TMPRSS9: variants seen among roughly 807,000 people sequenced by gnomAD.
TMPRSS9 encodes transmembrane protease serine 9.
TMPRSS9 carries 113 observed loss-of-function variants against 111.4 expected under a neutral mutation model. The observed-to-expected ratio is 1.01, with a 90% CI of 0.87 to 1.19. TMPRSS9 has a LOEUF of 1.19. Ranked by LOEUF, TMPRSS9 falls within the 50% of genes most tolerant of loss-of-function variation. The pLI is 0.00. For missense variants in TMPRSS9, 1,803 were observed against 1,513.1 expected (o/e 1.19, Z -3.18); for synonymous variants, 805 against 659.1 (o/e 1.22, Z -3.39).
upstream of TMPRSS9, among the ~76,000 whole-genome samples, chr19:2,386,504 C>CAA (rs954685263): frequency 1.7e-5 from 2 of 114,488 alleles, no homozygotes; most frequent in East Asian, 2.7e-4. Context: ...GACTCCGTCT[C>CAA]AAAAAAAAAA....
chr19:2,388,371 G>A (rs1970517169), upstream of TMPRSS9, among the ~76,000 whole-genome samples: 1 of 152,108 alleles, frequency 6.6e-6, no homozygotes, highest in South Asian at 2.1e-4. Flanking sequence ...GGGCAACAGA[G>A]AAAGACCCTG....
exon 8 of TMPRSS9, chr19:2,408,445 A>G (rs754992041): frequency 6.2e-7 from 1 of 1,613,946 alleles, no homozygotes; most frequent in Non-Finnish European, 8.5e-7. Flanking sequence ...CAGGTGGTCC[A>G]GATCGTCAAG....
intron 5 of TMPRSS9, 114 bp downstream of exon 6, chr19:2,402,130 C>T (rs1373136926): frequency 5.3e-6 from 5 of 948,934 alleles, no homozygotes; most frequent in African/African-American, 5.2e-5. Flanking sequence ...CGGTGGCTCA[C>T]ATCTGTCGTC....
At chr19:2,390,335 C>T (rs138439084) in intron 1 of TMPRSS9, among the ~76,000 whole-genome samples, 4,171 of 142,790 alleles carry the variant, frequency 0.029, 82 homozygotes, top group Non-Finnish European at 0.044. Flanking sequence ...CTCCACCTCC[C>T]GGGTTCACAC....
At chr19:2,396,502 A>G in intron 1 of TMPRSS9, 37 bp from the exon 3 acceptor site, 1 of 1,557,404 alleles carries the variant, frequency 6.4e-7, no homozygotes, top group Non-Finnish European at 8.7e-7. Context: ...GAGCCCCCAA[A>G]GGTGGGCTCT....
chr19:2,402,159 G>A (rs1970863533), intron 5 of TMPRSS9, 143 bp downstream of exon 6: 1 of 566,184 alleles, frequency 1.8e-6, no homozygotes, highest in African/African-American at 2.0e-5. Flanking sequence ...TCAGGAGGCT[G>A]AGGCAGGAGG....
At chr19:2,421,737 C>A in intron 13 of TMPRSS9, 117 bp from the exon 15 acceptor site, 1 of 1,167,564 alleles carries the variant, frequency 8.6e-7, no homozygotes, top group Non-Finnish European at 1.2e-6. Context: ...CCGCGCTGTG[C>A]CCTCTGCCCC....
At chr19:2,421,709 G>C (rs113020019) in intron 13 of TMPRSS9, 145 bp from the exon 15 acceptor site, 2 of 734,220 alleles carry the variant, frequency 2.7e-6, no homozygotes, top group Non-Finnish European at 4.3e-6. Flanking sequence ...GCATGGGGCT[G>C]CAGTCAGGTC....
chr19:2,379,130 G>A (rs576314437), intron 1 of TMPRSS9, among the ~76,000 whole-genome samples: 1 of 151,372 alleles, frequency 6.6e-6, no homozygotes, highest in Non-Finnish European at 1.5e-5. Flanking sequence ...GCTTGATGTG[G>A]AACAGCTCTC....
chr19:2,425,794 G>A (rs1395352232), intron 17 of TMPRSS9, 133 bp from the exon 19 acceptor site: 5 of 1,335,808 alleles, frequency 3.7e-6, no homozygotes, highest in East Asian at 2.5e-5. Context: ...TTTGCATTGA[G>A]CCCATTTTCC....
intron 17 of TMPRSS9, 117 bp downstream of exon 18, chr19:2,425,610 G>A (rs555613148): frequency 3.6e-6 from 5 of 1,375,548 alleles, no homozygotes; most frequent in Non-Finnish European, 4.7e-6. Flanking sequence ...CTTCTCCAGC[G>A]GATCAAGCAG....
chr19:2,410,435 T>G (rs1599304147), intron 9 of TMPRSS9, 41 bp downstream of exon 10: 1 of 1,607,658 alleles, frequency 6.2e-7, no homozygotes, highest in Non-Finnish European at 8.5e-7. Flanking sequence ...AACACAGAAA[T>G]AGACACGAGC....
At chr19:2,410,130 G>T in intron 8 of TMPRSS9, 128 bp from the exon 10 acceptor site, 1 of 1,321,766 alleles carries the variant, frequency 7.6e-7, no homozygotes. Flanking sequence ...ATGTGTTGTA[G>T]GTGGCCATGC....
upstream of TMPRSS9, among the ~76,000 whole-genome samples, chr19:2,387,665 A>C (rs1970505726): frequency 1.3e-5 from 2 of 152,158 alleles, no homozygotes; most frequent in African/African-American, 4.8e-5. Context: ...GGATCACTTA[A>C]GCCCGGAAAT....
upstream of TMPRSS9, among the ~76,000 whole-genome samples, chr19:2,389,595 C>T (rs2894566): frequency 0.53 from 79,707 of 151,200 alleles, 22,057 homozygotes; most frequent in Middle Eastern, 0.66. Flanking sequence ...CTGGAATTCC[C>T]GACCTCAAAT....
intron 1 of TMPRSS9, among the ~76,000 whole-genome samples, chr19:2,367,273 C>G (rs1326025299): frequency 1.3e-5 from 2 of 152,202 alleles, no homozygotes; most frequent in African/African-American, 2.4e-5. Flanking sequence ...TTACCTAACT[C>G]TTCGGTGCCT....
chr19:2,366,731 C>G, intron 1 of TMPRSS9, among the ~76,000 whole-genome samples: 1 of 151,910 alleles, frequency 6.6e-6, no homozygotes, highest in Non-Finnish European at 1.5e-5. Flanking sequence ...GTGGCGGGCA[C>G]CTGTAGTCCC....
At chr19:2,411,963 C>T (rs962536944) in intron 9 of TMPRSS9, among the ~76,000 whole-genome samples, 13 of 152,156 alleles carry the variant, frequency 8.5e-5, no homozygotes, top group African/African-American at 3.1e-4. Context: ...TTCTTTTTCT[C>T]TGAGGATCGT....
intron 10 of TMPRSS9, chr19:2,414,243 C>CT (rs781736770): frequency 0.058 from 21,543 of 372,912 alleles, 5 homozygotes; most frequent in Middle Eastern, 0.088. Context: ...CAATGGGATA[C>CT]TTTTTTTTTT....
Sources: gnomAD v4.1 joint callset for allele counts (sites outside exome capture counted in the v4.1 genomes callset) on GRCh38, gnomAD v4.1.1 for gene constraint, MANE v1.5 for transcripts, NCBI Gene and HGNC (gene_info 2026-07-23, HGNC 2026-07-21) for gene names.